Variants in POTEF observed in about 807,000 individuals in gnomAD.
The protein encoded by POTEF is ANKRD26-like family C member 1B.
POTEF carries 20 observed loss-of-function variants against 83.2 expected under a neutral mutation model. The ratio of observed to expected loss-of-function variants is 0.24; its 90% CI spans 0.17 to 0.35. The LOEUF is 0.35. POTEF is among the 10% of genes least tolerant of loss of function. The pLI, the probability that POTEF is intolerant of heterozygous loss-of-function variation, is 1.00. For synonymous variants in POTEF, 196 were observed against 446.4 expected (o/e 0.44, Z 7.07); for missense variants, 550 against 1,203.2 (o/e 0.46, Z 8.03).
Position 130,103,678 on chromosome 2 carries a change from A to C in POTEF, c.1127-1498T>G, listed in dbSNP as rs543139190. 6.2e-4 allele frequency among the ~76,000 whole-genome samples: 93 copies of C among 151,132 alleles called. 1 individual carries two copies. Among genetic ancestry groups the C allele is most frequent in the Admixed American group, 3.6e-3 (54 of 15,194 alleles). ...ACATGTTAGGCATTAGGGTTTAAAA[A>C]GAATTAAAATAAAGCATGTCAGGGA... On this transcript the variant is annotated intron_variant, in intron 8 of 16. Coordinates refer to ENST00000409914, the MANE Select transcript of POTEF (RefSeq NM_001099771.2).
intron 1 of POTEF, among the ~76,000 whole-genome samples, chr2:130,128,755 G>GC (rs1685164628): frequency 1.1e-5 from 1 of 91,528 alleles, no homozygotes; most frequent in African/African-American, 4.2e-5. Context: ...TGCCAGCATT[G>GC]TAGCTCCAAA....
At chr2:130,096,586 TAAG>T (rs1684242448) in intron 11 of POTEF, among the ~76,000 whole-genome samples, 2 of 152,068 alleles carry the variant, frequency 1.3e-5, no homozygotes, top group South Asian at 4.2e-4. Flanking sequence ...AATCTGGAAT[TAAG>T]GAGAGAGATC....
intron 8 of POTEF, among the ~76,000 whole-genome samples, chr2:130,103,452 G>A (rs1231461169): frequency 6.8e-6 from 1 of 147,850 alleles, no homozygotes; most frequent in Non-Finnish European, 1.5e-5. Flanking sequence ...GATTCTGCAT[G>A]TCTTTCCCCA....
chr2:130,101,452 T>C (rs1445886410), intron 9 of POTEF, among the ~76,000 whole-genome samples: 1 of 148,210 alleles, frequency 6.7e-6, no homozygotes, highest in Non-Finnish European at 1.5e-5. Context: ...CACCAAAGGT[T>C]CCATTCTGCA....
rs921792294 is a variant in POTEF at position 130,106,015 on chromosome 2, C to T, written c.1126+1994G>A. On this transcript the variant is annotated intron_variant, in intron 8 of 16. Coordinates refer to ENST00000409914, the MANE Select transcript of POTEF (RefSeq NM_001099771.2). ...AATGTTACAGGAAGCCCTTTGCATGCTTCTAAGTTTTCTCCCTGTTTAAAA... is the reference window on the plus strand; with the variant it reads ...AATGTTACAGGAAGCCCTTTGCATGTTTCTAAGTTTTCTCCCTGTTTAAAA... Among the ~76,000 whole-genome samples, 15 of 151,238 alleles carry T rather than the reference C, an allele frequency of 9.9e-5. 1 individual carries two copies. The highest frequency in any genetic ancestry group is 3.7e-4 in the African/African-American group (15 of 40,638).
Position 130,095,632 on chromosome 2 carries a change from G to GA in POTEF, c.1410-2125_1410-2124insT, listed in dbSNP as rs1553470597. Among the ~76,000 whole-genome samples the GA allele has an allele frequency of 6.7e-4, 41 of 60,964 alleles. 16 individuals are homozygous for GA. The highest frequency in any genetic ancestry group is 4.0e-4 in the African/African-American group (4 of 10,108). The allele number at this position is 60,964 out of a possible 152,430, so 40.0% of individuals were successfully genotyped here. A position where few individuals can be genotyped will look rare whatever the true frequency, so the allele number is the denominator to read the frequency against. ...CCAGAAGAGTCCCTGCTGAGAAAGG[G>GA]TTTTTTTTTTCTAATACAAAAAACC... On this transcript the variant is annotated intron_variant, in intron 11 of 16. Transcript: ENST00000409914.
rs1332080384 is a variant in POTEF, at chr2:130,120,136, G to A, written c.380C>T (p.Ala127Val). The A allele has an allele frequency of 6.2e-7, 1 of 1,609,488 alleles. No homozygotes were observed. The highest frequency in any genetic ancestry group is 1.1e-5 in the South Asian group (1 of 90,884). ...VGAWGDYDDS[A>V]FMEPRYHVRG... Reference sequence around the variant, plus strand: ...GACGTGGTACCTGGGCTCCATGAAGGCACTGTCATCGTAGTCTCCCCAAGC... The same window carrying A: ...GACGTGGTACCTGGGCTCCATGAAGACACTGTCATCGTAGTCTCCCCAAGC... The change falls in exon 3 of 17, where the codon GCC becomes GTC. Residue 127 changes from alanine to valine, a missense_variant. Ala to Val is a moderately conservative substitution (Grantham distance 64). Coordinates refer to ENST00000409914, the MANE Select transcript of POTEF (RefSeq NM_001099771.2).
At chr2:130,121,106 CCGGGCGTGTGCGCG>C (rs1684992005) in intron 2 of POTEF, among the ~76,000 whole-genome samples, 1 of 151,966 alleles carries the variant, frequency 6.6e-6, no homozygotes, top group African/African-American at 2.4e-5. Flanking sequence ...CAAGCTGCTG[CCGGGCGTGTGCGCG>C]CGGCGTGCGC....
chr2:130,114,667 TACC>T (rs1558893552), intron 5 of POTEF, among the ~76,000 whole-genome samples: 2 of 151,496 alleles, frequency 1.3e-5, no homozygotes, highest in African/African-American at 4.9e-5. Flanking sequence ...AAAAAGTATT[TACC>T]ACAAGTGCAT....
At chr2:130,113,002 C>G (rs1281549548) in intron 5 of POTEF, among the ~76,000 whole-genome samples, 1 of 151,594 alleles carries the variant, frequency 6.6e-6, no homozygotes, top group Non-Finnish European at 1.5e-5. Flanking sequence ...CAGTGAATAA[C>G]TGATGGTAGG....
At chr2:130,101,306 A>G (rs1424160912) in intron 9 of POTEF, among the ~76,000 whole-genome samples, 1 of 150,752 alleles carries the variant, frequency 6.6e-6, no homozygotes, top group Non-Finnish European at 1.5e-5. Flanking sequence ...AGTGTTATGT[A>G]TCCAGATTAT....
chr2:130,126,308 A>C (rs1208952020), intron 2 of POTEF, among the ~76,000 whole-genome samples: 1 of 148,944 alleles, frequency 6.7e-6, no homozygotes, highest in Non-Finnish European at 1.5e-5. Flanking sequence ...CATCTCAAAA[A>C]AAAAAAAAAA....
chr2:130,103,497 A>AGTACTT (rs1370539735), intron 8 of POTEF, among the ~76,000 whole-genome samples: 1 of 138,952 alleles, frequency 7.2e-6, no homozygotes, highest in East Asian at 2.1e-4. Context: ...AGGCTGCCTT[A>AGTACTT]GTACTTCACT....
intron 8 of POTEF, among the ~76,000 whole-genome samples, chr2:130,103,774 G>A (rs1185833634): frequency 2.8e-5 from 4 of 144,356 alleles, no homozygotes; most frequent in East Asian, 2.0e-4. Context: ...AGGGGTAGAG[G>A]GCAGGAAAGG....
Position 130,120,447 on chromosome 2 carries a change from C to A in POTEF, c.69G>T (p.Lys23Asn), listed in dbSNP as rs1296913638. The change falls in exon 3 of 17, where the codon AAG becomes AAT. Residue 23 changes from lysine to asparagine, a missense_variant. Coordinates refer to ENST00000409914, the MANE Select transcript of POTEF (RefSeq NM_001099771.2). The part of the protein sequence containing the change: ...SVKKPFGLRS[K>N]MGKWCCRCFP... ...AGCAACGGCAGCACCACTTGCCCAT[C>A]TTGCTCCTGAGACCAAATGGCTTCT... The A allele has an allele frequency of 1.2e-6, 2 of 1,613,684 alleles. No individual in the cohort carries two copies. The highest frequency in any genetic ancestry group is 3.3e-5 in the Admixed American group (2 of 60,022).
chr2:130,109,608 TAC>T (rs1684649207), intron 7 of POTEF: 1 of 151,190 alleles, frequency 6.6e-6, no homozygotes. Flanking sequence ...TGCCTCACAG[TAC>T]AGATCTGGTA....
rs372367657 is a variant in POTEF, at chr2:130,116,509, T to C, written c.522-1181A>G. ...CTGCTTCCTTCCCTCCTCCCACCCT[T>C]CACCCTGTAATAGGCCCCAGTGTGT... On this transcript the variant is annotated intron_variant, in intron 3 of 16. Transcript: ENST00000409914. Among the ~76,000 whole-genome samples the C allele has an allele frequency of 5.0e-3, 736 of 145,840 alleles. 11 individuals carry two copies. Among genetic ancestry groups the C allele is most frequent in the African/African-American group, 0.013 (495 of 38,182 alleles).
chr2:130,103,245 G>C (rs1192719648), intron 8 of POTEF, among the ~76,000 whole-genome samples: 1 of 149,496 alleles, frequency 6.7e-6, no homozygotes, highest in Non-Finnish European at 1.5e-5. Context: ...TGGGATTACA[G>C]GCATGTACCA....
chr2:130,106,976 CTT>C (rs1404127968), intron 8 of POTEF, among the ~76,000 whole-genome samples: 2 of 149,938 alleles, frequency 1.3e-5, no homozygotes, highest in African/African-American at 5.0e-5. Context: ...TCTATTCCAT[CTT>C]TGTCTCCTGC....
Sources: allele counts gnomAD v4.1 joint callset (sites outside exome capture counted in the v4.1 genomes callset), GRCh38; gene constraint gnomAD v4.1.1; transcripts MANE v1.5; gene names NCBI Gene and HGNC (gene_info 2026-07-23, HGNC 2026-07-21).